USH2A: variants seen among roughly 807,000 people sequenced by gnomAD.
The protein encoded by USH2A is Usher syndrome 2A (autosomal recessive, mild).
USH2A carries 443 observed loss-of-function variants against 538.9 expected under a neutral mutation model. That is an observed-to-expected ratio of 0.82 (90% CI 0.76 to 0.89). The LOEUF is 0.89. Ranked by LOEUF, USH2A falls within the 40% of genes least tolerant of loss-of-function variation. The pLI, the probability that USH2A is intolerant of heterozygous loss-of-function variation, is 0.00. For synonymous variants in USH2A, 2,413 were observed against 2,273.5 expected, an observed-to-expected ratio of 1.06 and a Z score of -1.75; for missense variants, 6,633 against 6,324.8, an observed-to-expected ratio of 1.05 and a Z score of -1.65.
rs756866344 is a variant in USH2A at position 215,878,932 on chromosome 1, G to A, written c.8390C>T (p.Ser2797Leu). 52 of 1,614,054 alleles carry A rather than the reference G, an allele frequency of 3.2e-5. No individual in the cohort carries two copies. The highest frequency in any genetic ancestry group is 4.2e-5 in the Non-Finnish European group (49 of 1,179,986). Residue 2797 changes from serine to leucine, a missense_variant, in exon 42 of 72, where the codon TCA becomes TTA. By Grantham distance (145) the Ser-to-Leu change is moderately radical (BLOSUM62 -2). Transcript: ENST00000307340. Reference sequence around the variant, plus strand: ...CCCTCCAAGGTACCCATTACCCCCTGAGCAAGCAACAATGGTGACAGAATA... The same window carrying A: ...CCCTCCAAGGTACCCATTACCCCCTAAGCAAGCAACAATGGTGACAGAATA... ...TNYSVTIVAC[S>L]GGNGYLGGCT...
intron 4 of USH2A, among the ~76,000 whole-genome samples, chr1:216,363,117 A>C (rs1238291110): frequency 6.6e-6 from 1 of 152,072 alleles, no homozygotes; most frequent in Non-Finnish European, 1.5e-5. Context: ...CTCAGTTTTC[A>C]TCTAATACTG....
intron 15 of USH2A, among the ~76,000 whole-genome samples, chr1:216,208,353 G>C (rs577063180): frequency 6.6e-6 from 1 of 151,954 alleles, no homozygotes; most frequent in East Asian, 1.9e-4. Flanking sequence ...AGATGTCAAG[G>C]GTACAGGTTG....
chr1:216,009,298 G>A (rs1427657564), intron 32 of USH2A, among the ~76,000 whole-genome samples: 1 of 151,870 alleles, frequency 6.6e-6, no homozygotes, highest in Non-Finnish European at 1.5e-5. Context: ...CCCTTAGCCT[G>A]TGTTTTTAAG....
chr1:215,693,186 G>C (rs1204982708), intron 61 of USH2A, among the ~76,000 whole-genome samples: 1 of 149,688 alleles, frequency 6.7e-6, no homozygotes, highest in South Asian at 2.1e-4. Context: ...TCACTAAGTT[G>C]CCCAGGCTGG....
intron 47 of USH2A, among the ~76,000 whole-genome samples, chr1:215,818,588 A>G (rs766722462): frequency 6.6e-6 from 1 of 151,852 alleles, no homozygotes; most frequent in Admixed American, 6.6e-5. Flanking sequence ...TATGAGAGGC[A>G]GGGTTTGGTA....
intron 47 of USH2A, among the ~76,000 whole-genome samples, chr1:215,823,296 C>T (rs991134257): frequency 7.2e-5 from 11 of 151,964 alleles, no homozygotes; most frequent in African/African-American, 2.7e-4. Context: ...TGAAGGATAG[C>T]TTTATTGTAT....
In USH2A at chr1:215,758,574, ATACT is replaced by A; in HGVS notation, c.11389+17_11389+20del. On this transcript the variant is annotated intron_variant, in intron 58 of 71. Coordinates refer to ENST00000307340, the MANE Select transcript of USH2A (RefSeq NM_206933.4). ...TTAAAATGTTTACACACACACACACATACTTCTTTTTTTTTTTTACCTGGTGGTA... is the reference window on the plus strand; with the variant it reads ...TTAAAATGTTTACACACACACACACATCTTTTTTTTTTTTACCTGGTGGTA... The A allele has an allele frequency of 6.2e-7, 1 of 1,604,346 alleles. No homozygotes were observed. The highest frequency in any genetic ancestry group is 8.5e-7 in the Non-Finnish European group (1 of 1,174,042).
chr1:216,103,573 G>C (rs576151940), intron 21 of USH2A, among the ~76,000 whole-genome samples: 1 of 152,186 alleles, frequency 6.6e-6, no homozygotes, highest in East Asian at 1.9e-4. Flanking sequence ...TCAAGAGAAG[G>C]AACCTGTAAT....
rs374456269 is a variant in USH2A at position 215,888,427 on chromosome 1, T to C, written c.8222A>G (p.Gln2741Arg). ...VVTVLEPDAV[Q>R]VTWKPPLIQN... ...GAGAGAGAATAGTCAGTATCTTACC[T>C]GGACTGCATCGGGTTCCAGCACTGT... The change falls in exon 41 of 72, where the codon CAG becomes CGG. Residue 2741 changes from glutamine to arginine, a missense_variant and splice_region_variant. Transcript: ENST00000307340. 1.9e-5 allele frequency: 31 copies of C among 1,612,742 alleles called. No homozygotes were observed. The highest frequency in any genetic ancestry group is 1.1e-4 in the South Asian group (10 of 91,024).
At chr1:215,735,352 A>G (rs183468087) in intron 60 of USH2A, among the ~76,000 whole-genome samples, 1 of 152,338 alleles carries the variant, frequency 6.6e-6, no homozygotes, top group Admixed American at 6.5e-5. Context: ...CCTAGTTAAC[A>G]AATTTATAAC....
chr1:216,186,740 C>T (rs755720763), intron 20 of USH2A, among the ~76,000 whole-genome samples: 4 of 151,896 alleles, frequency 2.6e-5, no homozygotes, highest in South Asian at 2.1e-4. Flanking sequence ...AATAAACTCA[C>T]GAGTTTATTT....
chr1:216,121,165 G>C (rs1221513475), intron 21 of USH2A, among the ~76,000 whole-genome samples: 2 of 152,130 alleles, frequency 1.3e-5, no homozygotes, highest in African/African-American at 4.8e-5. Context: ...AAACAGAAAT[G>C]TGTAATGTAT....
intron 37 of USH2A, among the ~76,000 whole-genome samples, chr1:215,940,395 C>T (rs1033725439): frequency 6.6e-6 from 1 of 151,822 alleles, no homozygotes; most frequent in African/African-American, 2.4e-5. Flanking sequence ...CTCTATATAC[C>T]CTGTATTAAT....
intron 16 of USH2A, among the ~76,000 whole-genome samples, chr1:216,204,892 A>AT (rs1028491406): frequency 6.6e-6 from 1 of 152,178 alleles, no homozygotes; most frequent in African/African-American, 2.4e-5. Context: ...CAGAAGTGGC[A>AT]TTTTTTAATG....
chr1:216,196,818 A>T, intron 18 of USH2A, 96 bp from the exon 19 acceptor site: 3 of 1,371,180 alleles, frequency 2.2e-6, no homozygotes, highest in Non-Finnish European at 3.0e-6. Flanking sequence ...TTTCTGAAAT[A>T]CCTTTACCTT....
chr1:216,217,541 A>G lies in USH2A; in HGVS notation c.3003T>C (p.Pro1001=), dbSNP rs1231801289. ...AGGCTCCTGAGAGATGACAATTACAAGGCTGACATCTGAAAACAAGGCAAA... is the reference window on the plus strand; with the variant it reads ...AGGCTCCTGAGAGATGACAATTACAGGGCTGACATCTGAAAACAAGGCAAA... ...GFDPQTGRCQ[P]CNCHLSGALN... is the part of the protein sequence containing the mutation. Residue 1001 remains proline (P), a synonymous_variant, in exon 15 of 72, where the codon CCT becomes CCC. Coordinates refer to ENST00000307340, the MANE Select transcript of USH2A (RefSeq NM_206933.4). 1 of 1,613,026 alleles carries G rather than the reference A, an allele frequency of 6.2e-7. No individual in the cohort carries two copies. The highest frequency in any genetic ancestry group is 8.5e-7 in the Non-Finnish European group (1 of 1,179,276).
At chr1:215,709,958 A>G (rs777955331) in intron 61 of USH2A, among the ~76,000 whole-genome samples, 2 of 152,250 alleles carry the variant, frequency 1.3e-5, no homozygotes, top group African/African-American at 4.8e-5. Flanking sequence ...AGACCGATGC[A>G]CATACAAGTG....
chr1:216,365,699 G>A lies in USH2A; in HGVS notation c.652-614C>T, dbSNP rs1026658452. 1.1e-4 allele frequency among the ~76,000 whole-genome samples: 16 copies of A among 152,002 alleles called. 1 individual carries two copies. The highest frequency in any genetic ancestry group is 3.9e-4 in the Admixed American group (6 of 15,258). On this transcript the variant is annotated intron_variant, in intron 3 of 71. Coordinates refer to ENST00000307340, the MANE Select transcript of USH2A (RefSeq NM_206933.4). ...TAGCAATTTTTTTTTTCTGTAAATA[G>A]CTAGAGAATGTTTTTTTCTCTGCAA...
At chr1:215,732,561 T>C (rs1482339234) in intron 60 of USH2A, among the ~76,000 whole-genome samples, 1 of 133,428 alleles carries the variant, frequency 7.5e-6, no homozygotes. Flanking sequence ...TTTTTTTTTT[T>C]TTTTTTTTTT....
Sources: gnomAD v4.1 joint callset for allele counts (sites outside exome capture counted in the v4.1 genomes callset) on GRCh38, gnomAD v4.1.1 for gene constraint, MANE v1.5 for transcripts, NCBI Gene and HGNC (gene_info 2026-07-23, HGNC 2026-07-21) for gene names.